Variants in CCDC192 observed in about 807,000 individuals in gnomAD.
CCDC192 encodes coiled-coil domain containing 192.
At chr5:127,736,881 C>T (rs1753037748) in intron 2 of CCDC192, among the ~76,000 whole-genome samples, 1 of 141,138 alleles carries the variant, frequency 7.1e-6, no homozygotes, top group Admixed American at 7.3e-5. Flanking sequence ...AAAAAACCAG[C>T]TCCTGGATTC....
At chr5:127,773,420 A>G (rs1323995329) in intron 3 of CCDC192, among the ~76,000 whole-genome samples, 1 of 152,190 alleles carries the variant, frequency 6.6e-6, no homozygotes, top group Non-Finnish European at 1.5e-5. Context: ...ATGCCCATTA[A>G]GTAATTACTC....
chr5:127,771,255 G>C (rs1755536870), intron 3 of CCDC192, among the ~76,000 whole-genome samples: 1 of 152,186 alleles, frequency 6.6e-6, no homozygotes, highest in Admixed American at 6.5e-5. Flanking sequence ...ATTGGAGGTA[G>C]GAAGAGACAG....
At chr5:127,814,977 A>G (rs1215714596) in intron 5 of CCDC192, among the ~76,000 whole-genome samples, 2 of 152,056 alleles carry the variant, frequency 1.3e-5, no homozygotes, top group African/African-American at 4.8e-5. Flanking sequence ...TCAAGACAGT[A>G]TGTGTTGGGA....
intron 3 of CCDC192, among the ~76,000 whole-genome samples, chr5:127,759,822 A>G (rs1027088432): frequency 6.6e-6 from 1 of 152,102 alleles, no homozygotes; most frequent in African/African-American, 2.4e-5. Context: ...CTTTTCTACT[A>G]TCCAGTTTTC....
intron 5 of CCDC192, among the ~76,000 whole-genome samples, chr5:127,804,250 T>A (rs1053018732): frequency 6.6e-6 from 1 of 152,214 alleles, no homozygotes; most frequent in Admixed American, 6.5e-5. Flanking sequence ...TGCCTAAGCA[T>A]CCACTGACAC....
chr5:127,882,715 C>T (rs1015810955), intron 6 of CCDC192, among the ~76,000 whole-genome samples: 18 of 152,138 alleles, frequency 1.2e-4, no homozygotes, highest in African/African-American at 3.6e-4. Context: ...AAAGAAAGTG[C>T]GTTGGGCCTA....
intron 6 of CCDC192, chr5:127,940,920 A>G: frequency 3.2e-6 from 1 of 314,298 alleles, no homozygotes; most frequent in Non-Finnish European, 5.7e-6. Flanking sequence ...AGTTAAATGC[A>G]TATAAACAAG....
chr5:127,702,623 T>A (rs1750752900), upstream of CCDC192, among the ~76,000 whole-genome samples: 1 of 152,166 alleles, frequency 6.6e-6, no homozygotes, highest in South Asian at 2.1e-4. Context: ...GTCATGCCAG[T>A]CTAATTTATT....
intron 2 of CCDC192, among the ~76,000 whole-genome samples, chr5:127,726,353 A>G (rs979578519): frequency 4.6e-5 from 7 of 152,222 alleles, no homozygotes; most frequent in Non-Finnish European, 1.0e-4. Context: ...GGAAAATTTC[A>G]GCGACACATT....
intron 2 of CCDC192, among the ~76,000 whole-genome samples, chr5:127,720,617 C>G (rs1751963029): frequency 6.6e-6 from 1 of 152,220 alleles, no homozygotes; most frequent in Admixed American, 6.5e-5. Flanking sequence ...GGCTCCAACC[C>G]TATATTTCTC....
intron 2 of CCDC192, among the ~76,000 whole-genome samples, chr5:127,753,153 G>T (rs1216538763): frequency 6.6e-6 from 1 of 152,104 alleles, no homozygotes; most frequent in Non-Finnish European, 1.5e-5. Flanking sequence ...ATTGTTTGTG[G>T]GGTTAATTGG....
At chr5:127,751,323 C>G (rs1379339407) in intron 2 of CCDC192, among the ~76,000 whole-genome samples, 1 of 152,042 alleles carries the variant, frequency 6.6e-6, no homozygotes, top group Non-Finnish European at 1.5e-5. Context: ...GTGACAAAAT[C>G]TCTCAGCATT....
chr5:127,844,005 A>T (rs1352738328), intron 5 of CCDC192, among the ~76,000 whole-genome samples: 1 of 152,222 alleles, frequency 6.6e-6, no homozygotes, highest in African/African-American at 2.4e-5. Flanking sequence ...TGGACCAGCT[A>T]TTTTTATAGA....
chr5:127,827,184 G>A (rs1269412929), intron 5 of CCDC192, among the ~76,000 whole-genome samples: 3 of 152,178 alleles, frequency 2.0e-5, no homozygotes, highest in African/African-American at 7.2e-5. Context: ...ATTACACAAA[G>A]TAGGGAAAAT....
At chr5:127,792,218 T>A (rs1223117053) in intron 3 of CCDC192, among the ~76,000 whole-genome samples, 1 of 152,172 alleles carries the variant, frequency 6.6e-6, no homozygotes, top group Non-Finnish European at 1.5e-5. Context: ...AGAGGTTTCA[T>A]TGACTTACAG....
intron 3 of CCDC192, among the ~76,000 whole-genome samples, chr5:127,763,550 T>C (rs1234504194): frequency 6.6e-6 from 1 of 152,160 alleles, no homozygotes; most frequent in African/African-American, 2.4e-5. Context: ...ATCTCATATT[T>C]CTCAACTTTA....
chr5:127,816,590 G>A (rs964309845), intron 5 of CCDC192, among the ~76,000 whole-genome samples: 1 of 152,194 alleles, frequency 6.6e-6, no homozygotes, highest in African/African-American at 2.4e-5. Flanking sequence ...TCCCACTGCT[G>A]TATAGTTCTA....
chr5:127,877,373 C>T (rs904508394), intron 6 of CCDC192, among the ~76,000 whole-genome samples: 1 of 150,748 alleles, frequency 6.6e-6, no homozygotes, highest in Non-Finnish European at 1.5e-5. Flanking sequence ...TTTAAACTAC[C>T]TGTATAGAAA....
intron 2 of CCDC192, among the ~76,000 whole-genome samples, chr5:127,750,616 G>C (rs1220463716): frequency 2.0e-5 from 3 of 148,086 alleles, no homozygotes; most frequent in Non-Finnish European, 4.5e-5. Flanking sequence ...GAGTTCTGTA[G>C]ATGTCTATTA....
Sources: gnomAD v4.1 joint callset for allele counts (sites outside exome capture counted in the v4.1 genomes callset) on GRCh38, gnomAD v4.1.1 for gene constraint, MANE v1.5 for transcripts, NCBI Gene and HGNC (gene_info 2026-07-23, HGNC 2026-07-21) for gene names.